Variants in HDAC9 observed in about 807,000 individuals in gnomAD.
HDAC9 encodes MEF-2 interacting transcription repressor (MITR) protein.
A neutral mutation model predicts 139.4 loss-of-function variants in HDAC9; 41 were observed. The ratio of observed to expected loss-of-function variants is 0.29; its 90% CI spans 0.23 to 0.38. The LOEUF is 0.38. Among genes scored for constraint, HDAC9 ranks in the 10% least tolerant of loss-of-function variants. HDAC9 has a pLI of 1.00. For synonymous variants in HDAC9, 517 were observed against 476.2 expected (o/e 1.09, Z -1.12); for missense variants, 1,147 against 1,297.0 (o/e 0.88, Z 1.78).
intron 1 of HDAC9, chr7:18,429,331 C>T (rs1417667743): frequency 6.6e-6 from 1 of 152,108 alleles, no homozygotes; most frequent in Non-Finnish European, 1.5e-5. Flanking sequence ...TTCTCATGTT[C>T]TTTCTTTTAT....
chr7:18,109,802 A>G (rs1325742265), intron 1 of HDAC9, among the ~76,000 whole-genome samples: 1 of 152,220 alleles, frequency 6.6e-6, no homozygotes, highest in Non-Finnish European at 1.5e-5. Flanking sequence ...AAGGAGTTGT[A>G]AATGGCTTGA....
intron 22 of HDAC9, among the ~76,000 whole-genome samples, chr7:18,882,465 A>G (rs949952686): frequency 2.6e-5 from 4 of 152,058 alleles, no homozygotes; most frequent in African/African-American, 9.7e-5. Context: ...AACTCATTTA[A>G]TCTCTGCTCA....
At chr7:18,809,977 A>G (rs187293641) in intron 17 of HDAC9, among the ~76,000 whole-genome samples, 1 of 152,138 alleles carries the variant, frequency 6.6e-6, no homozygotes, top group African/African-American at 2.4e-5. Context: ...CTAAATGTGC[A>G]TTAGCAGATG....
At chr7:18,674,984 AT>A (rs1781409691) in intron 12 of HDAC9, among the ~76,000 whole-genome samples, 1 of 152,036 alleles carries the variant, frequency 6.6e-6, no homozygotes. Context: ...TTAGATAAAA[AT>A]ATAATATCTA....
chr7:18,484,267 T>G (rs1795805503), intron 1 of HDAC9, among the ~76,000 whole-genome samples: 1 of 151,116 alleles, frequency 6.6e-6, no homozygotes, highest in South Asian at 2.1e-4. Context: ...GCCCAGGAGG[T>G]TGAGTTTGCA....
At chr7:18,167,225 A>T (rs899800713) in intron 2 of HDAC9, among the ~76,000 whole-genome samples, 1 of 151,404 alleles carries the variant, frequency 6.6e-6, no homozygotes, top group African/African-American at 2.4e-5. Context: ...TTAACTTCAC[A>T]GTTAAGTGAT....
intron 6 of HDAC9, among the ~76,000 whole-genome samples, chr7:18,604,432 A>T (rs544970019): frequency 6.8e-6 from 1 of 147,946 alleles, no homozygotes; most frequent in Non-Finnish European, 1.5e-5. Context: ...CTTGAGACGG[A>T]GTCTTGCTCT....
At chr7:18,724,192 A>G (rs938981210) in intron 12 of HDAC9, among the ~76,000 whole-genome samples, 1 of 152,134 alleles carries the variant, frequency 6.6e-6, no homozygotes, top group Non-Finnish European at 1.5e-5. Context: ...AAAGTTTTTC[A>G]TATCATCCCG....
chr7:18,491,895 A>T (rs1446548774), upstream of HDAC9, among the ~76,000 whole-genome samples: 1 of 151,920 alleles, frequency 6.6e-6, no homozygotes, highest in Non-Finnish European at 1.5e-5. Flanking sequence ...ATCTGGAAGC[A>T]CCCTCACAGA....
chr7:18,321,106 C>G lies in HDAC9; in HGVS notation c.-42+30591C>G, dbSNP rs113182976. Among the ~76,000 whole-genome samples the G allele has an allele frequency of 3.8e-3, 583 of 152,262 alleles. 3 individuals are homozygous for G. Among genetic ancestry groups the G allele is most frequent in the African/African-American group, 0.014 (566 of 41,528 alleles). ...ACACCTCAAGGCCTAAGGACTCTAA[C>G]ATATGTAAGGCAAGTTCTATAGATG... On this transcript the variant is annotated intron_variant, in intron 1 of 3. Transcript: ENST00000413509.
chr7:18,975,280 A>G (rs1222403386), intron 24 of HDAC9, among the ~76,000 whole-genome samples: 1 of 152,250 alleles, frequency 6.6e-6, no homozygotes, highest in Non-Finnish European at 1.5e-5. Flanking sequence ...TGAGAAAGAA[A>G]GAACATCCAG....
Position 18,590,500 on chromosome 7 carries a change from G to A in HDAC9, c.415+14G>A. Reference sequence around the variant, plus strand: ...GAGGACGAGAAAGTAAGAGGCACCAGGGTAAACGATGGACTCTCTTTCCTC... The same window carrying A: ...GAGGACGAGAAAGTAAGAGGCACCAAGGTAAACGATGGACTCTCTTTCCTC... On this transcript the variant is annotated intron_variant, in intron 4 of 25. Coordinates refer to ENST00000686413, the MANE Select transcript of HDAC9 (RefSeq NM_178425.4). 1 of 1,585,930 alleles carries A rather than the reference G, an allele frequency of 6.3e-7. No homozygotes were observed. Among genetic ancestry groups the A allele is most frequent in the Non-Finnish European group, 8.6e-7 (1 of 1,165,922 alleles).
In HDAC9 at chr7:18,498,428, G is replaced by T. The variant is rs111487878; in HGVS notation, c.22+2104G>T. Among the ~76,000 whole-genome samples the T allele has an allele frequency of 8.4e-3, 1,279 of 152,184 alleles. 21 individuals carry two copies. Among genetic ancestry groups the T allele is most frequent in the African/African-American group, 0.029 (1,216 of 41,548 alleles). ...CCCACCTTAACCTTCAGCAAACTGA[G>T]ATTCACTGCTGTAGGGCTAGGGAAC... On this transcript the variant is annotated intron_variant, in intron 2 of 25. Transcript: ENST00000686413.
At chr7:18,264,303 C>CTGT (rs1795867230) in intron 2 of HDAC9, among the ~76,000 whole-genome samples, 11 of 151,722 alleles carry the variant, frequency 7.3e-5, no homozygotes, top group Admixed American at 7.2e-4. Flanking sequence ...TTTAAAGGAC[C>CTGT]AACAGCATGC....
At chr7:18,744,570 T>C (rs1787764359) in intron 13 of HDAC9, among the ~76,000 whole-genome samples, 1 of 152,196 alleles carries the variant, frequency 6.6e-6, no homozygotes, top group Admixed American at 6.5e-5. Flanking sequence ...TCAATAATTT[T>C]AGTCCAAATG....
chr7:18,571,721 C>T (rs1425329525), intron 2 of HDAC9, among the ~76,000 whole-genome samples: 3 of 151,656 alleles, frequency 2.0e-5, no homozygotes, highest in African/African-American at 2.4e-5. Flanking sequence ...AACCCTATTC[C>T]TGTTATGCAG....
intron 2 of HDAC9, among the ~76,000 whole-genome samples, chr7:18,210,418 A>T (rs1238436704): frequency 2.0e-5 from 3 of 152,228 alleles, no homozygotes; most frequent in African/African-American, 7.2e-5. Flanking sequence ...GACAATGTAG[A>T]ATAAATCAGC....
intron 2 of HDAC9, among the ~76,000 whole-genome samples, chr7:18,565,567 G>T (rs1328071975): frequency 6.6e-6 from 1 of 152,116 alleles, no homozygotes; most frequent in Non-Finnish European, 1.5e-5. Context: ...ATTAGAGAGG[G>T]AGGAGGAGAA....
At chr7:18,975,496 G>A (rs17351069) in intron 24 of HDAC9, among the ~76,000 whole-genome samples, 9,746 of 152,248 alleles carry the variant, frequency 0.064, 396 homozygotes, top group Admixed American at 0.088. Flanking sequence ...CGTGAAGCCC[G>A]GAGTTTGCTT....
Sources: allele counts gnomAD v4.1 joint callset (sites outside exome capture counted in the v4.1 genomes callset), GRCh38; gene constraint gnomAD v4.1.1; transcripts MANE v1.5; gene names NCBI Gene and HGNC (gene_info 2026-07-23, HGNC 2026-07-21).